The following THSD7A variants were observed in gnomAD, a reference collection of about 807,000 sequenced individuals.
The protein encoded by THSD7A is thrombospondin type-1 domain-containing protein 7A.
A neutral mutation model predicts 231.3 loss-of-function variants in THSD7A; 96 were observed. The ratio of observed to expected loss-of-function variants is 0.41; its 90% CI spans 0.35 to 0.49. The LOEUF is 0.49. THSD7A is among the 20% of genes least tolerant of loss of function. THSD7A has a pLI of 0.05. For synonymous variants in THSD7A, 940 were observed against 743.3 expected (o/e 1.26, Z -4.30); for missense variants, 2,290 against 2,070.2 (o/e 1.11, Z -2.06).
At chr7:11,738,600 C>T (rs950003608) in intron 1 of THSD7A, among the ~76,000 whole-genome samples, 1 of 151,958 alleles carries the variant, frequency 6.6e-6, no homozygotes, top group Non-Finnish European at 1.5e-5. Flanking sequence ...TCGCTCTAAA[C>T]TGGTGAAACT....
At chr7:11,476,809 C>T (rs1211656681) in intron 7 of THSD7A, among the ~76,000 whole-genome samples, 1 of 137,712 alleles carries the variant, frequency 7.3e-6, no homozygotes, top group Non-Finnish European at 1.6e-5. Flanking sequence ...AGAGAGACTC[C>T]GTCTCAGAGA....
chr7:11,767,797 T>C (rs1035769854), intron 1 of THSD7A, among the ~76,000 whole-genome samples: 2 of 152,138 alleles, frequency 1.3e-5, no homozygotes, highest in Non-Finnish European at 2.9e-5. Flanking sequence ...GAGTGCAGTT[T>C]TGTTGTAGAA....
intron 4 of THSD7A, among the ~76,000 whole-genome samples, chr7:11,557,633 T>G (rs1305293785): frequency 1.3e-5 from 2 of 151,858 alleles, no homozygotes; most frequent in African/African-American, 2.4e-5. Flanking sequence ...GGCAAAAGGG[T>G]GTATGTATGC....
chr7:11,728,403 A>T (rs1781617271), intron 1 of THSD7A, among the ~76,000 whole-genome samples: 1 of 151,970 alleles, frequency 6.6e-6, no homozygotes, highest in Non-Finnish European at 1.5e-5. Flanking sequence ...CTAGAGTGGC[A>T]CAAGCCAATT....
At chr7:11,581,558 A>G (rs1202150122) in intron 4 of THSD7A, among the ~76,000 whole-genome samples, 1 of 100,386 alleles carries the variant, frequency 1.0e-5, no homozygotes, top group Admixed American at 1.0e-4. Context: ...GAATTTTCAC[A>G]TGTTTCTATC....
At chr7:11,463,363 G>T (rs557839829) in intron 9 of THSD7A, among the ~76,000 whole-genome samples, 120 of 152,196 alleles carry the variant, frequency 7.9e-4, no homozygotes, top group African/African-American at 2.5e-3. Context: ...CTTCATAGGA[G>T]AATCTCTTTA....
intron 24 of THSD7A, among the ~76,000 whole-genome samples, chr7:11,380,096 AAT>A (rs1468389916): frequency 1.3e-5 from 2 of 152,222 alleles, no homozygotes; most frequent in Non-Finnish European, 2.9e-5. Flanking sequence ...GATTCAAAAC[AAT>A]AGTTTTCACG....
chr7:11,575,157 A>T (rs1178187829), intron 4 of THSD7A, among the ~76,000 whole-genome samples: 1 of 152,204 alleles, frequency 6.6e-6, no homozygotes, highest in Non-Finnish European at 1.5e-5. Flanking sequence ...CATCCTCGTC[A>T]TCCTCTGCAT....
At chr7:11,426,720 G>T in intron 14 of THSD7A, 49 bp from the exon 15 acceptor site, 1 of 1,537,936 alleles carries the variant, frequency 6.5e-7, no homozygotes, top group Non-Finnish European at 8.7e-7. Context: ...AAATAAGGTA[G>T]GTGAAAATGT....
chr7:11,643,615 A>G (rs1399120104), intron 1 of THSD7A, among the ~76,000 whole-genome samples: 3 of 151,578 alleles, frequency 2.0e-5, no homozygotes, highest in Non-Finnish European at 4.4e-5. Context: ...ACACACACAC[A>G]CACACACAGA....
At chr7:11,512,463 C>T (rs1787852437) in intron 6 of THSD7A, among the ~76,000 whole-genome samples, 1 of 152,112 alleles carries the variant, frequency 6.6e-6, no homozygotes, top group Admixed American at 6.6e-5. Flanking sequence ...ATAAATCATG[C>T]TGCTATAAAG....
chr7:11,734,684 C>T (rs1409717279), intron 1 of THSD7A, among the ~76,000 whole-genome samples: 1 of 151,840 alleles, frequency 6.6e-6, no homozygotes, highest in African/African-American at 2.4e-5. Context: ...TTTGTATAAA[C>T]ATTATTTTCT....
chr7:11,393,228 G>A (rs757585652), intron 23 of THSD7A, among the ~76,000 whole-genome samples: 1 of 152,204 alleles, frequency 6.6e-6, no homozygotes, highest in Non-Finnish European at 1.5e-5. Flanking sequence ...AGCCTCCGTT[G>A]GTGATATCCA....
At chr7:11,399,549 C>T (rs915814725) in intron 23 of THSD7A, among the ~76,000 whole-genome samples, 7 of 152,012 alleles carry the variant, frequency 4.6e-5, no homozygotes, top group East Asian at 1.9e-4. Flanking sequence ...TCAGTTGAGA[C>T]GCATGAAAAA....
At position 11,590,366 on chromosome 7, in the gene THSD7A, C is replaced by T. The variant is rs1780104759; in HGVS notation, c.1453+94G>A. 6.0e-6 allele frequency: 8 copies of T among 1,325,728 alleles called. No homozygotes were observed. Among genetic ancestry groups the T allele is most frequent in the Admixed American group, 2.5e-5 (1 of 39,554 alleles). The allele number at this position is 1,325,728 out of a possible 1,614,324, so 82.1% of individuals were successfully genotyped here. On this transcript the variant is annotated intron_variant, in intron 4 of 27. Coordinates refer to ENST00000423059, the MANE Select transcript of THSD7A (RefSeq NM_015204.3). This position sits in a 1 kb window ranked among gnomAD's most constrained non-coding sequence, Gnocchi z 4.4. ...ACAATGTGAACAGAAATGCAGCCCT[C>T]ATAACCTGGATGGCTGTGTATATAT...
chr7:11,763,330 A>C (rs945496100), intron 1 of THSD7A, among the ~76,000 whole-genome samples: 17 of 152,296 alleles, frequency 1.1e-4, no homozygotes, highest in Middle Eastern at 3.4e-3. Flanking sequence ...TCTTAGCTAA[A>C]ATATCACTTC....
chr7:11,538,990 A>C (rs997931279), intron 6 of THSD7A, among the ~76,000 whole-genome samples: 1 of 152,198 alleles, frequency 6.6e-6, no homozygotes, highest in African/African-American at 2.4e-5. Flanking sequence ...AAGTCTTTTT[A>C]TTATTTCTTC....
rs577510378 is a variant in THSD7A, at chr7:11,726,700, T to C, written c.191-89739A>G. Among the ~76,000 whole-genome samples, 480 of 152,144 alleles carry C rather than the reference T, an allele frequency of 3.2e-3. 1 individual carries two copies. The highest frequency in any genetic ancestry group is 5.3e-3 in the Non-Finnish European group (358 of 67,956). On this transcript the variant is annotated intron_variant, in intron 1 of 27. Transcript: ENST00000423059. The stretch of plus-strand genomic sequence containing the variant: ...ATTTGGGCCGACATTTTTTCCACAT[T>C]GGCTGTTTTATCTGCAAATACCATG...
chr7:11,657,517 T>C (rs1782753759), intron 1 of THSD7A, among the ~76,000 whole-genome samples: 1 of 151,778 alleles, frequency 6.6e-6, no homozygotes, highest in African/African-American at 2.4e-5. Flanking sequence ...ACTATAGGTA[T>C]ATCCTGCTCT....
Sources: allele counts gnomAD v4.1 joint callset (sites outside exome capture counted in the v4.1 genomes callset), GRCh38; gene constraint gnomAD v4.1.1; non-coding constraint Gnocchi (gnomAD v3.1); transcripts MANE v1.5; gene names NCBI Gene and HGNC (gene_info 2026-07-23, HGNC 2026-07-21).